PAGE5: variants seen among roughly 807,000 people sequenced by gnomAD.
PAGE5 encodes P antigen family member 5.
A neutral mutation model predicts 8.1 loss-of-function variants in PAGE5; 8 were observed. That is an observed-to-expected ratio of 0.98 (90% CI 0.58 to 1.77). PAGE5 has a LOEUF of 1.77. Among genes scored for constraint, PAGE5 ranks in the 40% most tolerant of loss-of-function variants. The pLI, the probability that PAGE5 is intolerant of heterozygous loss-of-function variation, is 0.00. For synonymous variants in PAGE5, 30 were observed against 27.0 expected (o/e 1.11, Z -0.35); for missense variants, 64 against 77.6 (o/e 0.82, Z 0.66).
At chrX:55,220,729 C>A in intron 1 of PAGE5, 1 of 993,207 alleles carries the variant, frequency 1.0e-6, no homozygotes, top group East Asian at 3.3e-5. Context: ...GTCTGAGTCC[C>A]GAAAACGCCT....
chrX:55,223,901 A>G, intron 4 of PAGE5, 86 bp from the exon 5 acceptor site: 1 of 759,470 alleles, frequency 1.3e-6, no homozygotes. Context: ...GATTTTAGTT[A>G]ATCAACACTG....
At chrX:55,221,559 C>A in intron 2 of PAGE5, 96 bp downstream of exon 2, 2 of 1,009,763 alleles carry the variant, frequency 2.0e-6, no homozygotes, top group Non-Finnish European at 2.7e-6. Context: ...GTGTTCCATG[C>A]TAATAAAAAA....
At position 55,223,864 on chromosome X, in the gene PAGE5, A is replaced by G. The variant is rs1602335702; in HGVS notation, c.317-123A>G. The G allele has an allele frequency of 6.9e-6, 3 of 435,129 alleles. No homozygotes were observed. The East Asian group carries it at 1.4e-4, about 20-fold the overall frequency. The allele number at this position is 435,129 out of a possible 1,213,427, so 35.9% of individuals were successfully genotyped here. On this transcript the variant is annotated intron_variant, in intron 4 of 4. Transcript: ENST00000374955. ...GTTTATTCAGAGGCTAACTGGATGT[A>G]AGCTAAAGGGACACCCTCAGGGTTC... is the stretch of plus-strand genomic sequence containing the variant.
rs1937910177 is a variant in PAGE5 at position 55,222,760 on chromosome X, T to C, written c.316+14T>C. Reference sequence around the variant, plus strand: ...TGCTGGAAGCAGGTATGTTATTCAATAAGATGCAAATTATAGGGTTTCTAT... The same window carrying C: ...TGCTGGAAGCAGGTATGTTATTCAACAAGATGCAAATTATAGGGTTTCTAT... On this transcript the variant is annotated intron_variant, in intron 4 of 4. Transcript: ENST00000374955. 7 of 1,203,956 alleles carry C rather than the reference T, an allele frequency of 5.8e-6. No homozygotes were observed. Among genetic ancestry groups the C allele is most frequent in the Non-Finnish European group, 7.9e-6 (7 of 891,107 alleles).
At chrX:55,222,008 C>G (rs755586841) in intron 3 of PAGE5, 133 bp downstream of exon 3, 4 of 721,819 alleles carry the variant, frequency 5.5e-6, no homozygotes, top group Non-Finnish European at 8.1e-6. Flanking sequence ...TGCTGCTGTG[C>G]GGAGGGGTGG....
intron 1 of PAGE5, chrX:55,220,785 G>T (rs780726325): frequency 3.5e-5 from 23 of 656,432 alleles, no homozygotes; most frequent in Non-Finnish European, 1.1e-5. Flanking sequence ...CGTTAGGGAT[G>T]CGAGAAGGGA....
At chrX:55,223,429 G>A (rs191666632) in intron 4 of PAGE5, among the ~76,000 whole-genome samples, 1 of 111,581 alleles carries the variant, frequency 9.0e-6, no homozygotes, top group African/African-American at 3.3e-5. Flanking sequence ...CATGTTGAGA[G>A]GCAGGAGTAC....
rs1305197063 is a variant in PAGE5, at chrX:55,222,981, C to T, written c.316+235C>T. On this transcript the variant is annotated intron_variant, in intron 4 of 4. Transcript: ENST00000374955. The stretch of plus-strand genomic sequence containing the variant: ...TTGGGAAGCCGAGGCAGAAAGACCA[C>T]TTGAGGCCAGAACTTCAAGAGATAG... Among the ~76,000 whole-genome samples, 39 of 111,488 alleles carry T rather than the reference C, an allele frequency of 3.5e-4. 1 individual carries two copies. Among genetic ancestry groups the T allele is most frequent in the Non-Finnish European group, 6.8e-4 (36 of 53,130 alleles).
At chrX:55,220,597 C>A (rs5914273) in intron 1 of PAGE5, 145 bp downstream of exon 1, 11 of 1,194,290 alleles carry the variant, frequency 9.2e-6, no homozygotes, top group Non-Finnish European at 1.2e-5. Context: ...CCCCCAGGTC[C>A]TGATGCAGGC....
At chrX:55,220,529 T>A (rs1359550860) in intron 1 of PAGE5, 77 bp downstream of exon 1, 1 of 1,062,646 alleles carries the variant, frequency 9.4e-7, no homozygotes, top group African/African-American at 1.8e-5. Flanking sequence ...TTAGGACAGG[T>A]CCCGTGGCAC....
In PAGE5 at chrX:55,224,037, G is replaced by T; in HGVS notation, c.*34G>T. The T allele has an allele frequency of 1.8e-6, 2 of 1,084,880 alleles. No homozygotes were observed. The highest frequency in any genetic ancestry group is 2.5e-6 in the Non-Finnish European group (2 of 807,944). The allele number at this position is 1,084,880 out of a possible 1,213,427, so 89.4% of individuals were successfully genotyped here. A position where few individuals can be genotyped will look rare whatever the true frequency, so the allele number is the denominator to read the frequency against. ...CAAGACAAATGAAGACTGAAACCAA[G>T]AATATTGTTCTTATGCTGGAAATTT... On this transcript the variant is annotated 3_prime_UTR_variant, in exon 5 of 5. Transcript: ENST00000374955.
rs758954087 is a variant in PAGE5, at chrX:55,223,995, C to A, written c.325C>A (p.Gln109Lys). 8.7e-7 allele frequency: 1 copy of A among 1,145,844 alleles called. No individual in the cohort carries two copies. Among genetic ancestry groups the A allele is most frequent in the Admixed American group, 2.4e-5 (1 of 41,226 alleles). 94.4% of individuals were successfully genotyped at this position (1,145,844 alleles called of 1,213,427 possible). A position where few individuals can be genotyped will look rare whatever the true frequency, so the allele number is the denominator to read the frequency against. ...PTKVLEAGEG[Q>K]L is the part of the protein sequence containing the mutation. ...TTATATTTATATTATAGGTGAAGGG[C>A]AACTATAGGTTTAAACCAAGACAAA... Residue 109 changes from glutamine to lysine, a missense_variant, in exon 5 of 5, where the codon CAA (glutamine) becomes AAA (lysine). By Grantham distance (53) the Gln-to-Lys change is moderately conservative. Coordinates refer to ENST00000374955, the MANE Select transcript of PAGE5 (RefSeq NM_001013435.3).
chrX:55,221,503 T>G, intron 2 of PAGE5, 40 bp downstream of exon 2: 1 of 1,163,065 alleles, frequency 8.6e-7, no homozygotes, highest in Non-Finnish European at 1.2e-6. Flanking sequence ...TTAACACATT[T>G]TATTTTAAAA....
chrX:55,222,004 T>C, intron 3 of PAGE5, 129 bp downstream of exon 3: 1 of 737,780 alleles, frequency 1.4e-6, no homozygotes. Context: ...TTACTGCTGC[T>C]GTGCGGAGGG....
At chrX:55,222,156 TTTTTG>T (rs200895987) in intron 3 of PAGE5, among the ~76,000 whole-genome samples, 1 of 112,326 alleles carries the variant, frequency 8.9e-6, no homozygotes, top group African/African-American at 3.2e-5. Flanking sequence ...TATTTTCTGT[TTTTTG>T]TTTTGTTTTG....
chrX:55,221,693 A>C lies in PAGE5; in HGVS notation c.82-74A>C, dbSNP rs188012543. On this transcript the variant is annotated intron_variant, in intron 2 of 4. Transcript: ENST00000374955. ...TCTATTGGAAAATGTCTTTAGATTT[A>C]TGATTCGATGCACATATGCATTTGT... 403 of 1,043,593 alleles carry C rather than the reference A, an allele frequency of 3.9e-4. 1 individual carries two copies. The East Asian group carries it at 0.013, about 34-fold the overall frequency. 86.0% of individuals were successfully genotyped at this position (1,043,593 alleles called of 1,213,427 possible).
At chrX:55,221,529 G>T in intron 2 of PAGE5, 66 bp downstream of exon 2, 2 of 1,093,630 alleles carry the variant, frequency 1.8e-6, no homozygotes, top group African/African-American at 3.7e-5. Flanking sequence ...TTTTGAGCGA[G>T]TGTACATGCA....
rs751330624 is a variant in PAGE5 at position 55,221,787 on chromosome X, A to C, written c.102A>C (p.Glu34Asp). ...GPVIVQQPTE[E>D]KRQEEEPPTD... Reference sequence around the variant, plus strand: ...CTTAGGTCCAGCAGCCCACTGAGGAAAAACGTCAAGAAGAGGAACCACCAA... The same window carrying C: ...CTTAGGTCCAGCAGCCCACTGAGGACAAACGTCAAGAAGAGGAACCACCAA... Residue 34 changes from glutamate (E) to aspartate (D), a missense_variant, in exon 3 of 5, where the codon GAA (glutamate) becomes GAC (aspartate). Physicochemically the swap from Glu to Asp is conservative, Grantham distance 45. Transcript: ENST00000374955. 42 of 1,210,439 alleles carry C rather than the reference A, an allele frequency of 3.5e-5. No individual in the cohort carries two copies. The highest frequency in any genetic ancestry group is 4.6e-5 in the Non-Finnish European group (41 of 894,946).
In PAGE5 at chrX:55,223,310, C is replaced by T. The variant is rs557735013; in HGVS notation, c.316+564C>T. Among the ~76,000 whole-genome samples, 4 of 112,063 alleles carry T rather than the reference C, an allele frequency of 3.6e-5. No homozygotes were observed. The South Asian group carries it at 1.5e-3, about 41-fold the overall frequency. On this transcript the variant is annotated intron_variant, in intron 4 of 4. Coordinates refer to ENST00000374955, the MANE Select transcript of PAGE5 (RefSeq NM_001013435.3). ...GGACTGTTTTTTAACAAATACATAACATGTTTATGATAAGCATCAGTTTAT... is the reference window on the plus strand; with the variant it reads ...GGACTGTTTTTTAACAAATACATAATATGTTTATGATAAGCATCAGTTTAT...
Sources: gnomAD v4.1 joint callset for allele counts (sites outside exome capture counted in the v4.1 genomes callset) on GRCh38, gnomAD v4.1.1 for gene constraint, MANE v1.5 for transcripts, NCBI Gene and HGNC (gene_info 2026-07-23, HGNC 2026-07-21) for gene names.